The following DNAH5 variants were observed in gnomAD, a reference collection of about 807,000 sequenced individuals.
DNAH5 encodes the protein dynein axonemal heavy chain 5.
DNAH5 carries 372 observed loss-of-function variants against 518.2 expected under a neutral mutation model. That is an observed-to-expected ratio of 0.72 (90% CI 0.66 to 0.78). DNAH5 has a LOEUF of 0.78. Ranked by LOEUF, DNAH5 falls within the 30% of genes least tolerant of loss-of-function variation. The pLI, the probability that DNAH5 is intolerant of heterozygous loss-of-function variation, is 0.00. For synonymous variants in DNAH5, 2,039 were observed against 2,025.9 expected, an observed-to-expected ratio of 1.01 and a Z score of -0.17; for missense variants, 5,523 against 5,687.0, an observed-to-expected ratio of 0.97 and a Z score of 0.93.
chr5:13,711,075 T>A (rs916569594), intron 75 of DNAH5, among the ~76,000 whole-genome samples: 1 of 152,100 alleles, frequency 6.6e-6, no homozygotes, highest in African/African-American at 2.4e-5. Flanking sequence ...AAATGAAAAC[T>A]ACAGACTGAT....
intron 1 of DNAH5, among the ~76,000 whole-genome samples, chr5:13,956,562 A>T (rs1780776001): frequency 6.6e-6 from 1 of 152,206 alleles, no homozygotes; most frequent in Non-Finnish European, 1.5e-5. Context: ...CAGTAAAAGA[A>T]CTCATAAGTA....
intron 14 of DNAH5, 46 bp downstream of exon 14, chr5:13,901,206 T>C: frequency 6.3e-7 from 1 of 1,587,044 alleles, no homozygotes; most frequent in African/African-American, 1.3e-5. Context: ...AGAAGAGGGG[T>C]TCCCATGATT....
Position 13,874,500 on chromosome 5 carries a change from T to C in DNAH5, c.3396+2184A>G, listed in dbSNP as rs187524881. Among the ~76,000 whole-genome samples the C allele has an allele frequency of 5.9e-5, 9 of 152,254 alleles. No individual in the cohort carries two copies. In the East Asian group the frequency reaches 1.7e-3, roughly 29 times the overall value. ...TATGTAACCAAGGTTATTTTGATTG[T>C]TTGGTCCAGCTCAACGTTTCTATAT... On this transcript the variant is annotated intron_variant, in intron 22 of 78. Coordinates refer to ENST00000265104, the MANE Select transcript of DNAH5 (RefSeq NM_001369.3).
chr5:13,769,672 C>T (rs1753054934), intron 56 of DNAH5, 57 bp from the exon 57 acceptor site: 1 of 1,373,154 alleles, frequency 7.3e-7, no homozygotes, highest in African/African-American at 1.4e-5. Flanking sequence ...GGATGCAATT[C>T]TCAAGTACTG....
chr5:13,985,172 G>T (rs937871794), intron 1 of DNAH5, among the ~76,000 whole-genome samples: 1 of 150,648 alleles, frequency 6.6e-6, no homozygotes. Context: ...GCAAACTATC[G>T]CAAGGACAAA....
In DNAH5 at chr5:13,770,886, C is replaced by T; in HGVS notation, c.9468G>A (p.Val3156=). The T allele has an allele frequency of 6.2e-7, 1 of 1,614,080 alleles. No homozygotes were observed. The highest frequency in any genetic ancestry group is 8.5e-7 in the Non-Finnish European group (1 of 1,179,980). Residue 3156 remains valine, a synonymous_variant, in exon 56 of 79, where the codon GTG becomes GTA. Transcript: ENST00000265104. ...VQCMGSFQDG[V]AEKCVDYFQR... ...GAAAATAATCAACACACTTCTCAGC[C>T]ACCCCATCCTGGAAGGAGCCCATGC... is the stretch of plus-strand genomic sequence containing the variant.
At chr5:13,987,347 T>C (rs929764478) in intron 1 of DNAH5, among the ~76,000 whole-genome samples, 6 of 152,178 alleles carry the variant, frequency 3.9e-5, no homozygotes, top group African/African-American at 9.6e-5. Context: ...AAGTCTTGGC[T>C]AGTTTTCTGA....
intron 55 of DNAH5, among the ~76,000 whole-genome samples, chr5:13,776,097 A>C (rs4701983): frequency 0.35 from 52,917 of 152,036 alleles, 9,273 homozygotes; most frequent in Middle Eastern, 0.38. Context: ...AGAAAGAAGC[A>C]GAAGCAGCAA....
chr5:13,840,338 A>ACTT (rs141637989), intron 34 of DNAH5, among the ~76,000 whole-genome samples: 60,925 of 151,808 alleles, frequency 0.4, 12,597 homozygotes, highest in East Asian at 0.61. Context: ...GACAAATTTC[A>ACTT]CTTTTTATTT....
intron 17 of DNAH5, among the ~76,000 whole-genome samples, chr5:13,889,396 C>T (rs1283516876): frequency 6.6e-6 from 1 of 152,076 alleles, no homozygotes; most frequent in African/African-American, 2.4e-5. Context: ...GTAAGTTTTG[C>T]GTATAAAATG....
chr5:13,723,273 T>C (rs1032647619), intron 70 of DNAH5, among the ~76,000 whole-genome samples: 2 of 152,228 alleles, frequency 1.3e-5, no homozygotes, highest in Non-Finnish European at 2.9e-5. Flanking sequence ...GTCTACTCCA[T>C]GTACACATTC....
At chr5:13,737,599 T>C in intron 65 of DNAH5, 104 bp from the exon 66 acceptor site, 1 of 1,197,142 alleles carries the variant, frequency 8.4e-7, no homozygotes. Context: ...CCATACTGTA[T>C]TTATCATAAT....
intron 8 of DNAH5, among the ~76,000 whole-genome samples, chr5:13,916,812 G>A (rs1776693607): frequency 6.6e-6 from 1 of 151,962 alleles, no homozygotes; most frequent in African/African-American, 2.4e-5. Flanking sequence ...ACTAGCTAAT[G>A]ACTTTTCCCA....
intron 35 of DNAH5, among the ~76,000 whole-genome samples, chr5:13,837,344 C>T (rs967909486): frequency 6.6e-6 from 1 of 152,080 alleles, no homozygotes; most frequent in African/African-American, 2.4e-5. Flanking sequence ...AGGACAATCA[C>T]GGTAGGGTTC....
At chr5:13,816,865 C>T (rs1580396204) in intron 42 of DNAH5, among the ~76,000 whole-genome samples, 1 of 152,274 alleles carries the variant, frequency 6.6e-6, no homozygotes, top group Non-Finnish European at 1.5e-5. Flanking sequence ...GCTTCTTTCT[C>T]TCTGCAATTG....
chr5:13,716,801 T>C (rs920710257), intron 73 of DNAH5, 111 bp from the exon 74 acceptor site: 1 of 769,058 alleles, frequency 1.3e-6, no homozygotes, highest in Non-Finnish European at 2.3e-6. Context: ...CAGTCACTCT[T>C]CATCAGTACT....
intron 1 of DNAH5, among the ~76,000 whole-genome samples, chr5:13,993,997 G>T (rs1053594918): frequency 6.6e-6 from 1 of 152,352 alleles, no homozygotes; most frequent in Non-Finnish European, 1.5e-5. Flanking sequence ...GTCGGAAGGA[G>T]GAAGGCAATT....
At chr5:13,972,646 T>A (rs115661303) in intron 1 of DNAH5, among the ~76,000 whole-genome samples, 2,755 of 152,266 alleles carry the variant, frequency 0.018, 79 homozygotes, top group African/African-American at 0.061. Flanking sequence ...GGGAGCAGAC[T>A]TTCCCCCTCT....
chr5:14,009,759 G>T (rs1339125761), intron 1 of DNAH5, among the ~76,000 whole-genome samples: 1 of 152,168 alleles, frequency 6.6e-6, no homozygotes, highest in Non-Finnish European at 1.5e-5. Flanking sequence ...AATGGGGATT[G>T]CTTACTCAGC....
Sources: gnomAD v4.1 joint callset for allele counts (sites outside exome capture counted in the v4.1 genomes callset) on GRCh38, gnomAD v4.1.1 for gene constraint, MANE v1.5 for transcripts, NCBI Gene and HGNC (gene_info 2026-07-23, HGNC 2026-07-21) for gene names.